Variants in ZNF169 observed in about 807,000 individuals in gnomAD.
ZNF169 encodes zinc finger protein 169.
A neutral mutation model predicts 12.0 loss-of-function variants in ZNF169; 11 were observed. The observed-to-expected ratio is 0.92, with a 90% CI of 0.58 to 1.52. ZNF169 has a LOEUF of 1.52. Among genes scored for constraint, ZNF169 ranks in the 40% most tolerant of loss-of-function variants. The pLI, the probability that ZNF169 is intolerant of heterozygous loss-of-function variation, is 0.00. For synonymous variants in ZNF169, 302 were observed against 286.5 expected (o/e 1.05, Z -0.55); for missense variants, 722 against 744.0 (o/e 0.97, Z 0.34).
rs147696121 is a variant in ZNF169 at position 94,269,813 on chromosome 9, G to A, written c.-55-8945G>A. The stretch of plus-strand genomic sequence containing the variant: ...TGTGCATTTGTCTAAAGATGTAAGT[G>A]ATTAACTTCTTTTAATCTATAACTA... On this transcript the variant is annotated intron_variant, in intron 1 of 4. Coordinates refer to ENST00000395395, the MANE Select transcript of ZNF169 (RefSeq NM_194320.4). Among the ~76,000 whole-genome samples the A allele has an allele frequency of 3.2e-3, 490 of 152,276 alleles. 3 individuals carry two copies. The highest frequency in any genetic ancestry group is 6.8e-3 in the Middle Eastern group (2 of 294).
chr9:94,270,383 A>G (rs1350933732), intron 1 of ZNF169, among the ~76,000 whole-genome samples: 1 of 150,990 alleles, frequency 6.6e-6, no homozygotes, highest in African/African-American at 2.4e-5. Context: ...TGTATTCTTT[A>G]TATTTCCTAA....
rs1458963179 is a variant in ZNF169, at chr9:94,293,060, C to G, written c.247C>G (p.Leu83Val). ...WREENEHLLD[L>V]CPEPRTEFQP... ...AGAGGAGAACGAACATCTTCTGGAC[C>G]TTTGTCCAGGTGAGTGGGAAGCCCT... The change falls in exon 4 of 5, where the codon CTT becomes GTT. Residue 83 changes from leucine (L) to valine (V), a missense_variant. Leu to Val is a conservative substitution (Grantham distance 32). Transcript: ENST00000395395. The G allele has an allele frequency of 1.2e-6, 2 of 1,612,748 alleles. No homozygotes were observed. The highest frequency in any genetic ancestry group is 8.5e-7 in the Non-Finnish European group (1 of 1,179,310).
At chr9:94,263,986 G>A (rs191771771) in intron 1 of ZNF169, among the ~76,000 whole-genome samples, 9 of 151,944 alleles carry the variant, frequency 5.9e-5, no homozygotes, top group Admixed American at 3.3e-4. Flanking sequence ...ATGTAATGTC[G>A]AACAACTTCA....
intron 4 of ZNF169, chr9:94,296,812 T>G (rs1461181112): frequency 2.2e-6 from 1 of 456,602 alleles, no homozygotes; most frequent in Non-Finnish European, 4.4e-6. Flanking sequence ...TTGGGAAGCT[T>G]AGGCAGGCGG....
chr9:94,263,494 T>A (rs1156264418), intron 1 of ZNF169, among the ~76,000 whole-genome samples: 1 of 150,978 alleles, frequency 6.6e-6, no homozygotes, highest in Non-Finnish European at 1.5e-5. Context: ...GTCTTTATAT[T>A]GTAGACAACA....
intron 2 of ZNF169, chr9:94,287,869 C>A: frequency 9.9e-7 from 1 of 1,005,646 alleles, no homozygotes; most frequent in East Asian, 2.4e-5. Flanking sequence ...GCGTCAGGGT[C>A]GATCTGATAC....
chr9:94,299,599 G>T, intron 4 of ZNF169: 1 of 1,378,616 alleles, frequency 7.3e-7, no homozygotes, highest in East Asian at 2.6e-5. Flanking sequence ...GCAATTTATA[G>T]AGCTGAAGCT....
At chr9:94,287,240 T>C (rs979508893) in intron 2 of ZNF169, among the ~76,000 whole-genome samples, 6 of 152,210 alleles carry the variant, frequency 3.9e-5, no homozygotes, top group African/African-American at 1.4e-4. Flanking sequence ...AAGGGTAACA[T>C]CTTAAAGCTG....
At chr9:94,278,388 C>A (rs143223928) in intron 1 of ZNF169, among the ~76,000 whole-genome samples, 1 of 152,300 alleles carries the variant, frequency 6.6e-6, no homozygotes, top group Non-Finnish European at 1.5e-5. Flanking sequence ...TGTCCTTTGG[C>A]CTCACAGTAA....
At position 94,300,158 on chromosome 9, in the gene ZNF169, G is replaced by A. The variant is rs754966996; in HGVS notation, c.600G>A (p.Met200Ile). ...QRMSLGGSDT[M>I]LKGADTSESG... ...TGAGTCTTGGGGGGTCAGACACAAT[G>A]TTGAAGGGAGCAGACACTTCAGAAT... The change falls in exon 5 of 5, where the codon ATG becomes ATA. Residue 200 changes from methionine to isoleucine, a missense_variant. Coordinates refer to ENST00000395395, the MANE Select transcript of ZNF169 (RefSeq NM_194320.4). 6 of 1,614,040 alleles carry A rather than the reference G, an allele frequency of 3.7e-6. No homozygotes were observed. In the South Asian group the frequency reaches 5.5e-5, roughly 15 times the overall value.
intron 1 of ZNF169, among the ~76,000 whole-genome samples, chr9:94,261,828 G>A (rs1216608762): frequency 6.6e-6 from 1 of 152,120 alleles, no homozygotes. Flanking sequence ...ATCTGTAAAT[G>A]GCAAAAACCA....
In ZNF169 at chr9:94,300,139, T is replaced by C. The variant is rs1476613971; in HGVS notation, c.581T>C (p.Leu194Pro). ...TDLRLAQRMS[L>P]GGSDTMLKGA... ...CTTCGCCTGGCCCAAAGGATGAGTC[T>C]TGGGGGGTCAGACACAATGTTGAAG... The change falls in exon 5 of 5, where the codon CTT becomes CCT. Residue 194 changes from leucine (L) to proline (P), a missense_variant. Physicochemically the swap from Leu to Pro is moderately conservative, Grantham distance 98 (BLOSUM62 -3). Transcript: ENST00000395395. 1.2e-6 allele frequency: 2 copies of C among 1,614,114 alleles called. No homozygotes were observed. Among genetic ancestry groups the C allele is most frequent in the Non-Finnish European group, 1.7e-6 (2 of 1,180,032 alleles).
At position 94,300,118 on chromosome 9, in the gene ZNF169, G is replaced by A. The variant is rs145562448; in HGVS notation, c.560G>A (p.Arg187His). The A allele has an allele frequency of 1.6e-4, 252 of 1,614,136 alleles. 1 individual carries two copies. In the African/African-American group the frequency reaches 2.7e-3, roughly 18 times the overall value. The stretch of plus-strand genomic sequence containing the variant: ...AACAGAGAAGGAGGAACAGACCTTC[G>A]CCTGGCCCAAAGGATGAGTCTTGGG... The part of the protein sequence containing the change: ...EGNREGGTDL[R>H]LAQRMSLGGS... Residue 187 changes from arginine to histidine, a missense_variant, in exon 5 of 5, where the codon CGC becomes CAC. Transcript: ENST00000395395.
intron 1 of ZNF169, among the ~76,000 whole-genome samples, chr9:94,262,211 G>A (rs7849604): frequency 0.074 from 11,302 of 152,216 alleles, 572 homozygotes; most frequent in Middle Eastern, 0.13. Flanking sequence ...CTCCTCATGG[G>A]TCACTGACAC....
In ZNF169 at chr9:94,299,808, C is replaced by G; in HGVS notation, c.257-7C>G. The G allele has an allele frequency of 6.2e-7, 1 of 1,605,508 alleles. No individual in the cohort carries two copies. Among genetic ancestry groups the G allele is most frequent in the South Asian group, 1.1e-5 (1 of 89,972 alleles). On this transcript the variant is annotated splice_polypyrimidine_tract_variant and splice_region_variant and intron_variant, in intron 4 of 4. Coordinates refer to ENST00000395395, the MANE Select transcript of ZNF169 (RefSeq NM_194320.4). ...GGTGATTCTGACCAAGACTTTCTCT[C>G]TAGCAGAGCCTAGAACAGAATTCCA...
chr9:94,291,271 C>G (rs548746941), intron 2 of ZNF169, among the ~76,000 whole-genome samples: 13 of 152,118 alleles, frequency 8.5e-5, no homozygotes, highest in African/African-American at 3.1e-4. Flanking sequence ...CCAGGCTGGT[C>G]TTGAACTCCT....
At chr9:94,270,948 TA>T (rs1451327851) in intron 1 of ZNF169, among the ~76,000 whole-genome samples, 2 of 2,546 alleles carry the variant, frequency 7.9e-4, no homozygotes, top group East Asian at 0.014. Context: ...ATATATTATA[TA>T]AATATATAAA....
In ZNF169 at chr9:94,301,023, C is replaced by G; in HGVS notation, c.1465C>G (p.Pro489Ala). ...THTGEKPYLC[P>A]KCGRAFGFKS... Reference sequence around the variant, plus strand: ...CACAGGGGAGAAGCCTTATCTGTGCCCCAAGTGTGGGCGTGCATTTGGCTT... The same window carrying G: ...CACAGGGGAGAAGCCTTATCTGTGCGCCAAGTGTGGGCGTGCATTTGGCTT... The change falls in exon 5 of 5, where the codon CCC becomes GCC. Residue 489 changes from proline to alanine, a missense_variant. Coordinates refer to ENST00000395395, the MANE Select transcript of ZNF169 (RefSeq NM_194320.4). The G allele has an allele frequency of 6.2e-7, 1 of 1,613,412 alleles. No homozygotes were observed. Among genetic ancestry groups the G allele is most frequent in the Admixed American group, 1.7e-5 (1 of 59,924 alleles).
At chr9:94,291,226 G>A (rs1830827391) in intron 2 of ZNF169, among the ~76,000 whole-genome samples, 1 of 151,638 alleles carries the variant, frequency 6.6e-6, no homozygotes, top group Admixed American at 6.6e-5. Context: ...GCTAATTTTT[G>A]TATTTTTGGT....
Sources: gnomAD v4.1 joint callset for allele counts (sites outside exome capture counted in the v4.1 genomes callset) on GRCh38, gnomAD v4.1.1 for gene constraint, MANE v1.5 for transcripts, NCBI Gene and HGNC (gene_info 2026-07-23, HGNC 2026-07-21) for gene names.